Variants in ELOVL6 observed in about 807,000 individuals in gnomAD.
ELOVL6 encodes very long chain fatty acid elongase 6.
Under a neutral mutation model 31.7 loss-of-function variants are expected in ELOVL6, and 8 were observed. The observed-to-expected ratio is 0.25, with a 90% CI of 0.15 to 0.45. The LOEUF is 0.45. Among genes scored for constraint, ELOVL6 ranks in the 20% least tolerant of loss-of-function variants. The pLI, the probability that ELOVL6 is intolerant of heterozygous loss-of-function variation, is 1.00. For missense variants in ELOVL6, 126 were observed against 326.4 expected (o/e 0.39, Z 4.73); for synonymous variants, 101 against 117.7 (o/e 0.86, Z 0.92).
Position 110,051,813 on chromosome 4 carries a change from G to T in ELOVL6, c.374-51C>A, listed in dbSNP as rs544118582. The stretch of plus-strand genomic sequence containing the variant: ...CGTGAGATCCTTGACCACCAGTAAC[G>T]ATGACTTACAGTTTTGTAAGAGGGT... On this transcript the variant is annotated intron_variant, in intron 3 of 3. Coordinates refer to ENST00000302274, the MANE Select transcript of ELOVL6 (RefSeq NM_024090.3). The surrounding 1 kb of genome is among the most constrained non-coding windows in gnomAD (Gnocchi z 4.8). 8 of 1,499,518 alleles carry T rather than the reference G, an allele frequency of 5.3e-6. No individual in the cohort carries two copies. Among genetic ancestry groups the T allele is most frequent in the Non-Finnish European group, 7.3e-6 (8 of 1,095,870 alleles). 92.9% of individuals were successfully genotyped at this position (1,499,518 alleles called of 1,614,324 possible).
At chr4:110,093,135 C>A in intron 2 of ELOVL6, 1 of 451,734 alleles carries the variant, frequency 2.2e-6, no homozygotes, top group Admixed American at 2.4e-5. Flanking sequence ...GTTATAGCAC[C>A]TGTAATGCAA....
chr4:110,198,571 G>A lies in ELOVL6; in HGVS notation c.-236C>T, dbSNP rs1013040468. On this transcript the variant is annotated 5_prime_UTR_variant, in exon 1 of 4. In the 5' UTR this introduces an upstream ATG that the reference lacks. Transcript: ENST00000302274. ...TCTCTGGGGCTCTCCTCCTCCCGGC[G>A]TCCGCATCCACCGTAGGAGGAAATG... 17 of 473,848 alleles carry A rather than the reference G, an allele frequency of 3.6e-5. No homozygotes were observed. Among genetic ancestry groups the A allele is most frequent in the Non-Finnish European group, 6.0e-5 (16 of 268,566 alleles). The allele number at this position is 473,848 out of a possible 1,614,324, so 29.4% of individuals were successfully genotyped here.
At chr4:110,157,602 C>T (rs999657763) in intron 1 of ELOVL6, among the ~76,000 whole-genome samples, 4 of 151,472 alleles carry the variant, frequency 2.6e-5, no homozygotes, top group South Asian at 2.1e-4. Flanking sequence ...ACCTGGGAGG[C>T]GGAGGTTGCA....
At chr4:110,131,538 A>G (rs1757670071) in intron 1 of ELOVL6, among the ~76,000 whole-genome samples, 1 of 151,920 alleles carries the variant, frequency 6.6e-6, no homozygotes, top group Non-Finnish European at 1.5e-5. Context: ...CATTTACTCA[A>G]TATCTATAAT....
At chr4:110,181,168 C>A (rs1164082843) in intron 1 of ELOVL6, among the ~76,000 whole-genome samples, 1 of 151,916 alleles carries the variant, frequency 6.6e-6, no homozygotes, top group African/African-American at 2.4e-5. Flanking sequence ...AAATTAAGGC[C>A]GGGCGCAGTG....
At chr4:110,107,890 A>G (rs1177694140) in intron 1 of ELOVL6, among the ~76,000 whole-genome samples, 4 of 152,192 alleles carry the variant, frequency 2.6e-5, no homozygotes, top group African/African-American at 9.6e-5. Context: ...CTCATGGTGC[A>G]GGTAAAGTAT....
chr4:110,064,332 G>A (rs866439056), intron 2 of ELOVL6, among the ~76,000 whole-genome samples: 3 of 148,806 alleles, frequency 2.0e-5, no homozygotes, highest in Non-Finnish European at 4.4e-5. Flanking sequence ...CCTGTTTCCT[G>A]ATCACTAGCT....
chr4:110,130,330 C>T (rs10010167), intron 1 of ELOVL6, among the ~76,000 whole-genome samples: 56,670 of 151,890 alleles, frequency 0.37, 10,747 homozygotes, highest in East Asian at 0.46. Context: ...CAAGCCAATT[C>T]CTCTAAAATG....
intron 1 of ELOVL6, among the ~76,000 whole-genome samples, chr4:110,197,087 C>A (rs922027787): frequency 1.3e-5 from 2 of 152,206 alleles, no homozygotes; most frequent in Non-Finnish European, 2.9e-5. Flanking sequence ...GCGGGGCACG[C>A]GCGCTCGCGC....
At chr4:110,162,630 C>T (rs1381970263) in intron 1 of ELOVL6, among the ~76,000 whole-genome samples, 1 of 152,062 alleles carries the variant, frequency 6.6e-6, no homozygotes, top group Non-Finnish European at 1.5e-5. Flanking sequence ...CAGGTGTGAA[C>T]AACTGTGCCA....
intron 1 of ELOVL6, among the ~76,000 whole-genome samples, chr4:110,125,534 A>T (rs925268527): frequency 5.3e-5 from 8 of 152,010 alleles, no homozygotes; most frequent in Non-Finnish European, 1.0e-4. Flanking sequence ...AAAGATAGGG[A>T]TTTAGGCCAG....
At chr4:110,177,620 C>A (rs957794996) in intron 1 of ELOVL6, among the ~76,000 whole-genome samples, 2 of 152,142 alleles carry the variant, frequency 1.3e-5, no homozygotes, top group South Asian at 2.1e-4. Context: ...GGTGATATGG[C>A]AGCCACCTTG....
chr4:110,135,543 T>TAGTA (rs1757787820), intron 1 of ELOVL6, among the ~76,000 whole-genome samples: 1 of 152,082 alleles, frequency 6.6e-6, no homozygotes, highest in African/African-American at 2.4e-5. Flanking sequence ...GGTAGCAGGG[T>TAGTA]AGTAGCCTAG....
At chr4:110,085,006 TC>T (rs1756208969) in intron 2 of ELOVL6, among the ~76,000 whole-genome samples, 1 of 152,158 alleles carries the variant, frequency 6.6e-6, no homozygotes, top group African/African-American at 2.4e-5. Context: ...ATTTAATTAT[TC>T]ACTTATTTGT....
At chr4:110,068,485 T>C (rs1471166637) in intron 2 of ELOVL6, among the ~76,000 whole-genome samples, 3 of 152,214 alleles carry the variant, frequency 2.0e-5, no homozygotes, top group African/African-American at 7.2e-5. Context: ...CCAATCCCCC[T>C]GATAAGTCAG....
intron 2 of ELOVL6, among the ~76,000 whole-genome samples, chr4:110,078,210 C>T (rs936364700): frequency 3.9e-5 from 6 of 152,126 alleles, no homozygotes; most frequent in African/African-American, 1.4e-4. Context: ...CAAGGCAGGA[C>T]AACATTCATA....
At chr4:110,150,677 G>A (rs1294449572) in intron 1 of ELOVL6, among the ~76,000 whole-genome samples, 2 of 152,076 alleles carry the variant, frequency 1.3e-5, no homozygotes, top group African/African-American at 4.8e-5. Context: ...CTCTTGCATT[G>A]TATGATCCTT....
chr4:110,161,761 C>A (rs1290493232), intron 1 of ELOVL6, among the ~76,000 whole-genome samples: 1 of 152,086 alleles, frequency 6.6e-6, no homozygotes, highest in Non-Finnish European at 1.5e-5. Flanking sequence ...GTTAAGGAAT[C>A]AACAATATAT....
intron 1 of ELOVL6, among the ~76,000 whole-genome samples, chr4:110,160,903 C>G (rs1021693843): frequency 3.3e-5 from 5 of 152,184 alleles, no homozygotes; most frequent in African/African-American, 7.2e-5. Context: ...TGTTGCTTTT[C>G]TATTCAGTGG....
Sources: gnomAD v4.1 joint callset for allele counts (sites outside exome capture counted in the v4.1 genomes callset) on GRCh38, gnomAD v4.1.1 for gene constraint, Gnocchi (gnomAD v3.1) non-coding constraint, MANE v1.5 for transcripts, NCBI Gene and HGNC (gene_info 2026-07-23, HGNC 2026-07-21) for gene names.